CLASP2: variants seen among roughly 807,000 people sequenced by gnomAD.
CLASP2 encodes CLIP-associating protein 2.
A neutral mutation model predicts 194.4 loss-of-function variants in CLASP2; 47 were observed. The ratio of observed to expected loss-of-function variants is 0.24; its 90% CI spans 0.19 to 0.31. The LOEUF (loss-of-function observed/expected upper bound fraction) is 0.31. CLASP2 is among the 10% of genes least tolerant of loss of function. The pLI is 1.00. For synonymous variants in CLASP2, 619 were observed against 633.5 expected (o/e 0.98, Z 0.34); for missense variants, 1,445 against 1,823.6 (o/e 0.79, Z 3.78).
chr3:33,537,210 G>A (rs2057511765), intron 33 of CLASP2, among the ~76,000 whole-genome samples: 1 of 152,072 alleles, frequency 6.6e-6, no homozygotes, highest in South Asian at 2.1e-4. Flanking sequence ...AAAAAACTGA[G>A]TCTCAATGAA....
At chr3:33,584,693 TG>T (rs2066953411) in intron 22 of CLASP2, 56 bp downstream of exon 22, 1 of 1,202,660 alleles carries the variant, frequency 8.3e-7, no homozygotes, top group Non-Finnish European at 1.1e-6. Context: ...TGCCAAAGCC[TG>T]AAAAAAAAAA....
chr3:33,562,267 C>T (rs1277610935), intron 27 of CLASP2, among the ~76,000 whole-genome samples: 2 of 152,124 alleles, frequency 1.3e-5, no homozygotes, highest in Non-Finnish European at 2.9e-5. Context: ...ACTCTCATTC[C>T]ACCACTACCC....
intron 18 of CLASP2, among the ~76,000 whole-genome samples, chr3:33,598,161 CTT>C (rs576934464): frequency 2.8e-5 from 4 of 143,294 alleles, no homozygotes; most frequent in Admixed American, 7.0e-5. Context: ...TCTCACAGGT[CTT>C]TTTTTTTTTT....
intron 7 of CLASP2, among the ~76,000 whole-genome samples, chr3:33,657,816 G>A (rs1338592763): frequency 2.0e-5 from 3 of 152,012 alleles, no homozygotes; most frequent in South Asian, 2.1e-4. Flanking sequence ...TAGTTCAAAT[G>A]ACTGTCTACC....
chr3:33,696,741 C>G, intron 2 of CLASP2, 114 bp downstream of exon 2: 3 of 798,792 alleles, frequency 3.8e-6, no homozygotes, highest in Non-Finnish European at 6.2e-6. Flanking sequence ...GCTGGGATTA[C>G]AGAAATTACA....
intron 5 of CLASP2, 86 bp downstream of exon 5, chr3:33,686,974 T>C: frequency 1.3e-6 from 1 of 751,318 alleles, no homozygotes. Flanking sequence ...ACCCTCTCTC[T>C]TCTTTTTTAA....
intron 9 of CLASP2, among the ~76,000 whole-genome samples, chr3:33,628,146 GAGTA>G (rs1456791510): frequency 6.6e-6 from 1 of 152,144 alleles, no homozygotes; most frequent in Non-Finnish European, 1.5e-5. Context: ...GCTTAACAGA[GAGTA>G]AGAGCAAGAG....
rs1287852751 is a variant in CLASP2 at position 33,551,234 on chromosome 3, C to G, written c.3153+18G>C. 2 of 1,600,422 alleles carry G rather than the reference C, an allele frequency of 1.2e-6. No individual in the cohort carries two copies. Among genetic ancestry groups the G allele is most frequent in the Non-Finnish European group, 1.7e-6 (2 of 1,172,398 alleles). ...TTGCTTTCCCAATTTATCTTCTAAACCTCATATTAAAATATACCTTCCGAA... is the reference window on the plus strand; with the variant it reads ...TTGCTTTCCCAATTTATCTTCTAAAGCTCATATTAAAATATACCTTCCGAA... On this transcript the variant is annotated intron_variant, in intron 30 of 38. Transcript: ENST00000682230.
Position 33,543,345 on chromosome 3 carries a change from C to T in CLASP2, c.3404+88G>A, listed in dbSNP as rs1293866890. ...TTGAGATCACACCACCACACTCCAG[C>T]CTGGGCGACAGAGCAAGACTCTGTC... On this transcript the variant is annotated intron_variant, in intron 32 of 38. Transcript: ENST00000682230. The T allele has an allele frequency of 3.4e-6, 3 of 890,182 alleles. No homozygotes were observed. The East Asian group carries it at 7.5e-5, about 22-fold the overall frequency. The allele number at this position is 890,182 out of a possible 1,614,324, so 55.1% of individuals were successfully genotyped here.
chr3:33,613,817 C>G (rs1479572467), intron 12 of CLASP2, among the ~76,000 whole-genome samples: 1 of 152,182 alleles, frequency 6.6e-6, no homozygotes, highest in Non-Finnish European at 1.5e-5. Flanking sequence ...CCACACTTCT[C>G]CATTTTTCTT....
intron 21 of CLASP2, among the ~76,000 whole-genome samples, chr3:33,589,544 T>TAA (rs2068216987): frequency 6.6e-6 from 1 of 152,108 alleles, no homozygotes; most frequent in Non-Finnish European, 1.5e-5. Flanking sequence ...GAATGGAACA[T>TAA]ATAGTCATTC....
chr3:33,623,284 CTT>C (rs2077416789), intron 10 of CLASP2, among the ~76,000 whole-genome samples: 1 of 152,254 alleles, frequency 6.6e-6, no homozygotes, highest in South Asian at 2.1e-4. Flanking sequence ...CAATTCCACT[CTT>C]TTAGTTATTT....
At chr3:33,662,721 A>G (rs2085488331) in intron 7 of CLASP2, among the ~76,000 whole-genome samples, 1 of 152,192 alleles carries the variant, frequency 6.6e-6, no homozygotes, top group South Asian at 2.1e-4. Flanking sequence ...TCTCTTTAAT[A>G]TGAAACTACT....
intron 34 of CLASP2, among the ~76,000 whole-genome samples, chr3:33,531,059 C>G (rs1486123465): frequency 6.6e-6 from 1 of 152,124 alleles, no homozygotes; most frequent in Admixed American, 6.5e-5. Context: ...AGGACTCATA[C>G]TTCTCCCTGA....
intron 6 of CLASP2, 65 bp downstream of exon 6, chr3:33,684,294 T>C: frequency 3.6e-6 from 3 of 835,194 alleles, no homozygotes; most frequent in Non-Finnish European, 5.6e-6. Context: ...AATACACAAA[T>C]AAAATGAAAA....
chr3:33,672,382 G>A (rs2087480477), intron 6 of CLASP2, among the ~76,000 whole-genome samples: 1 of 152,200 alleles, frequency 6.6e-6, no homozygotes, highest in Non-Finnish European at 1.5e-5. Context: ...GCAGCTGAGG[G>A]TCCTGTCTGT....
At chr3:33,673,979 C>A (rs2087951690) in intron 6 of CLASP2, among the ~76,000 whole-genome samples, 1 of 152,138 alleles carries the variant, frequency 6.6e-6, no homozygotes, top group South Asian at 2.1e-4. Flanking sequence ...CTTAGACTCC[C>A]ACATATTAAT....
In CLASP2 at chr3:33,718,165, C is replaced by T; in HGVS notation, c.-163G>A. 1.8e-6 allele frequency: 1 copy of T among 569,916 alleles called. No individual in the cohort carries two copies. Among genetic ancestry groups the T allele is most frequent in the South Asian group, 3.3e-5 (1 of 30,722 alleles). 35.3% of individuals were successfully genotyped at this position (569,916 alleles called of 1,614,324 possible). A position where few individuals can be genotyped will look rare whatever the true frequency, so the allele number is the denominator to read the frequency against. On this transcript the variant is annotated 5_prime_UTR_variant, in exon 1 of 39. Transcript: ENST00000682230. ...GGGCGGCGGGAGGAACGCCAAGCGCCCAGCCGCCCCCAAACTAGTCAAACT... is the reference window on the plus strand; with the variant it reads ...GGGCGGCGGGAGGAACGCCAAGCGCTCAGCCGCCCCCAAACTAGTCAAACT...
At chr3:33,618,003 C>T (rs539466032) in intron 12 of CLASP2, among the ~76,000 whole-genome samples, 71 of 147,122 alleles carry the variant, frequency 4.8e-4, no homozygotes, top group Non-Finnish European at 8.3e-4. Context: ...GGCTGGAGTG[C>T]AACGGTGCAA....
Sources: gnomAD v4.1 joint callset for allele counts (sites outside exome capture counted in the v4.1 genomes callset) on GRCh38, gnomAD v4.1.1 for gene constraint, MANE v1.5 for transcripts, NCBI Gene and HGNC (gene_info 2026-07-23, HGNC 2026-07-21) for gene names.